MFHAS1: variants seen among roughly 807,000 people sequenced by gnomAD.
The protein encoded by MFHAS1 is malignant fibrous histiocytoma-amplified sequence 1.
A neutral mutation model predicts 70.4 loss-of-function variants in MFHAS1; 50 were observed. The observed-to-expected ratio is 0.71, with a 90% confidence interval of 0.57 to 0.90. MFHAS1 has a LOEUF of 0.90. Among genes scored for constraint, MFHAS1 ranks in the 40% least tolerant of loss-of-function variants. MFHAS1 has a pLI of 0.00. For missense variants in MFHAS1, 1,795 were observed against 1,347.6 expected (o/e 1.33, Z -5.20); for synonymous variants, 952 against 620.0 (o/e 1.54, Z -7.96).
intron 1 of MFHAS1, among the ~76,000 whole-genome samples, chr8:8,816,448 A>G (rs990705698): frequency 6.6e-6 from 1 of 152,230 alleles, no homozygotes; most frequent in Non-Finnish European, 1.5e-5. Flanking sequence ...GAGCGGGACA[A>G]ATTTCACTGA....
chr8:8,830,087 G>A (rs1807326811), intron 1 of MFHAS1, among the ~76,000 whole-genome samples: 1 of 152,078 alleles, frequency 6.6e-6, no homozygotes, highest in Non-Finnish European at 1.5e-5. Context: ...GAAATGCCCG[G>A]GACTAGATGA....
At position 8,825,659 on chromosome 8, in the gene MFHAS1, G is replaced by C. The variant is rs181817038; in HGVS notation, c.2999-28168C>G. Among the ~76,000 whole-genome samples the C allele has an allele frequency of 7.2e-5, 11 of 152,212 alleles. No homozygotes were observed. In the East Asian group the frequency reaches 1.7e-3, roughly 24 times the overall value. ...ATTTCCTCTTCTTGTAAGAACCCCA[G>C]TCCTACTGGATTAGGGCCCAACCTA... On this transcript the variant is annotated intron_variant, in intron 1 of 2. Transcript: ENST00000276282.
At chr8:8,874,361 C>T (rs1809207519) in intron 1 of MFHAS1, among the ~76,000 whole-genome samples, 1 of 148,992 alleles carries the variant, frequency 6.7e-6, no homozygotes, top group African/African-American at 2.6e-5. Flanking sequence ...CACACACACA[C>T]ACACACACAC....
intron 2 of MFHAS1, chr8:8,790,438 A>C (rs1285123153): frequency 3.2e-6 from 3 of 935,828 alleles, no homozygotes; most frequent in Middle Eastern, 1.1e-3. Flanking sequence ...AAGATACCTA[A>C]GCAGAGAGGG....
Position 8,789,741 on chromosome 8 carries a change from A to G in MFHAS1, c.3126-3686T>C, listed in dbSNP as rs187524381. Among the ~76,000 whole-genome samples, 736 of 152,238 alleles carry G rather than the reference A, an allele frequency of 4.8e-3. 26 individuals carry two copies. Among genetic ancestry groups the G allele is most frequent in the Admixed American group, 0.044 (674 of 15,298 alleles). On this transcript the variant is annotated intron_variant, in intron 2 of 2. Transcript: ENST00000276282. ...AATTTGCCCGGAGTATACTCTTCCA[A>G]TACAAACCAACTAATCCTGAACCCA...
intron 1 of MFHAS1, among the ~76,000 whole-genome samples, chr8:8,808,330 G>A (rs565463512): frequency 3.3e-5 from 5 of 151,972 alleles, no homozygotes; most frequent in African/African-American, 1.2e-4. Flanking sequence ...ACCCTCCTCT[G>A]CCCAGTGTCC....
intron 1 of MFHAS1, among the ~76,000 whole-genome samples, chr8:8,805,980 G>A (rs1314652188): frequency 2.0e-5 from 3 of 152,126 alleles, no homozygotes; most frequent in Non-Finnish European, 2.9e-5. Flanking sequence ...GATTACAGGC[G>A]TGAGCCACTG....
chr8:8,878,444 T>C (rs1260428427), intron 1 of MFHAS1, among the ~76,000 whole-genome samples: 1 of 152,184 alleles, frequency 6.6e-6, no homozygotes, highest in African/African-American at 2.4e-5. Context: ...GCACTGTCTC[T>C]GCAACATGAG....
chr8:8,858,636 C>T lies in MFHAS1; in HGVS notation c.2998+31425G>A, dbSNP rs974832925. 9.2e-5 allele frequency among the ~76,000 whole-genome samples: 14 copies of T among 152,152 alleles called. No individual in the cohort carries two copies. In the East Asian group the frequency reaches 1.7e-3, roughly 19 times the overall value. On this transcript the variant is annotated intron_variant, in intron 1 of 2. Coordinates refer to ENST00000276282, the MANE Select transcript of MFHAS1 (RefSeq NM_004225.3). ...AAAACAAAAATAGACAGTCCTCCCTCGGTATATATATGGGGGGTTGGGTTC... is the reference window on the plus strand; with the variant it reads ...AAAACAAAAATAGACAGTCCTCCCTTGGTATATATATGGGGGGTTGGGTTC...
rs1805528505 is a variant in MFHAS1 at position 8,785,985 on chromosome 8, C to T, written c.*37G>A. The T allele has an allele frequency of 6.2e-7, 1 of 1,611,478 alleles. No individual in the cohort carries two copies. The highest frequency in any genetic ancestry group is 8.5e-7 in the Non-Finnish European group (1 of 1,177,662). ...AAAAGATGGTCCAGGTGTTCAGATG[C>T]TCTCTTTTCTCCATGGAAATTCCAC... is the stretch of plus-strand genomic sequence containing the variant. On this transcript the variant is annotated 3_prime_UTR_variant, in exon 3 of 3. Transcript: ENST00000276282.
intron 1 of MFHAS1, among the ~76,000 whole-genome samples, chr8:8,832,222 G>A (rs1807424473): frequency 1.3e-5 from 2 of 151,950 alleles, no homozygotes; most frequent in African/African-American, 4.8e-5. Context: ...AGAAGACTTC[G>A]ACAAATTGAA....
chr8:8,856,540 G>A (rs1326480967), intron 1 of MFHAS1, among the ~76,000 whole-genome samples: 1 of 152,164 alleles, frequency 6.6e-6, no homozygotes, highest in Non-Finnish European at 1.5e-5. Flanking sequence ...CCACTGGTGG[G>A]AAACACTGAA....
intron 1 of MFHAS1, among the ~76,000 whole-genome samples, chr8:8,840,046 A>G (rs1347683530): frequency 2.6e-5 from 4 of 152,246 alleles, no homozygotes; most frequent in African/African-American, 9.6e-5. Flanking sequence ...ATGTTTGTAC[A>G]GTGTAACTCA....
intron 1 of MFHAS1, among the ~76,000 whole-genome samples, chr8:8,846,155 A>G (rs2116862327): frequency 6.7e-6 from 1 of 149,670 alleles, no homozygotes; most frequent in South Asian, 2.1e-4. Context: ...CAGGAAGCTG[A>G]GGCAGGAGAA....
intron 2 of MFHAS1, among the ~76,000 whole-genome samples, chr8:8,792,659 G>T (rs1006987660): frequency 6.6e-6 from 1 of 152,096 alleles, no homozygotes; most frequent in Non-Finnish European, 1.5e-5. Flanking sequence ...GCATGAACTA[G>T]GTGTTGGATA....
intron 1 of MFHAS1, among the ~76,000 whole-genome samples, chr8:8,818,337 A>G (rs1806822555): frequency 1.3e-5 from 2 of 152,216 alleles, no homozygotes; most frequent in African/African-American, 4.8e-5. Context: ...TCACAGGTCA[A>G]CCTCAGGTGA....
intron 1 of MFHAS1, among the ~76,000 whole-genome samples, chr8:8,809,246 G>C (rs1806454708): frequency 6.6e-6 from 1 of 152,064 alleles, no homozygotes; most frequent in African/African-American, 2.4e-5. Flanking sequence ...AATAATAGTA[G>C]AAATAAAGTG....
intron 1 of MFHAS1, among the ~76,000 whole-genome samples, chr8:8,830,171 G>A (rs1181008839): frequency 3.3e-5 from 5 of 152,126 alleles, no homozygotes; most frequent in Non-Finnish European, 7.4e-5. Context: ...TCTGGCGTGG[G>A]GAGCCATTAA....
At chr8:8,873,319 A>C (rs1809160005) in intron 1 of MFHAS1, among the ~76,000 whole-genome samples, 2 of 152,208 alleles carry the variant, frequency 1.3e-5, no homozygotes. Flanking sequence ...GGCAGTTAGC[A>C]TGAAATGAAG....
Sources: gnomAD v4.1 joint callset for allele counts (sites outside exome capture counted in the v4.1 genomes callset) on GRCh38, gnomAD v4.1.1 for gene constraint, MANE v1.5 for transcripts, NCBI Gene and HGNC (gene_info 2026-07-23, HGNC 2026-07-21) for gene names.